Variants in PTPN13 observed in about 807,000 individuals in gnomAD.
PTPN13 encodes protein tyrosine phosphatase non-receptor type 13.
Under a neutral mutation model 284.0 loss-of-function variants are expected in PTPN13, and 191 were observed. The ratio of observed to expected loss-of-function variants is 0.67; its 90% CI spans 0.60 to 0.76. The LOEUF (loss-of-function observed/expected upper bound fraction) is 0.76, where lower values mean the gene tolerates loss of function less well. Ranked by LOEUF, PTPN13 falls within the 30% of genes least tolerant of loss-of-function variation. The pLI is 0.00. For missense variants in PTPN13, 2,797 were observed against 2,939.9 expected (o/e 0.95, Z 1.12); for synonymous variants, 986 against 1,022.3 (o/e 0.96, Z 0.68).
intron 15 of PTPN13, among the ~76,000 whole-genome samples, chr4:86,739,562 A>T (rs1053366137): frequency 3.9e-5 from 6 of 152,098 alleles, no homozygotes; most frequent in Admixed American, 6.5e-5. Context: ...CCCTCCTTCA[A>T]CATGTGGAAA....
intron 15 of PTPN13, among the ~76,000 whole-genome samples, chr4:86,739,765 T>C (rs544046100): frequency 6.6e-6 from 1 of 152,326 alleles, no homozygotes; most frequent in South Asian, 2.1e-4. Flanking sequence ...CCCTTCTGCC[T>C]ATGAGCCTGC....
chr4:86,695,230 T>G (rs1354138494), intron 6 of PTPN13, among the ~76,000 whole-genome samples: 1 of 152,110 alleles, frequency 6.6e-6, no homozygotes, highest in Non-Finnish European at 1.5e-5. Flanking sequence ...ATCAGAGTTT[T>G]TTTCTAATGC....
chr4:86,705,678 T>C (rs1307306589), intron 7 of PTPN13, among the ~76,000 whole-genome samples: 2 of 152,180 alleles, frequency 1.3e-5, no homozygotes, highest in Admixed American at 1.3e-4. Context: ...GCACATGTTA[T>C]CGAAACATAT....
chr4:86,790,904 G>C (rs1326377212), intron 40 of PTPN13, among the ~76,000 whole-genome samples: 2 of 152,160 alleles, frequency 1.3e-5, no homozygotes, highest in Non-Finnish European at 2.9e-5. Flanking sequence ...AACAGCTCCA[G>C]TCTGCCACTC....
chr4:86,672,303 T>G (rs1403136798), intron 2 of PTPN13, 62 bp from the exon 3 acceptor site: 9 of 1,372,996 alleles, frequency 6.6e-6, no homozygotes, highest in Non-Finnish European at 8.8e-6. Flanking sequence ...TTCCTGTGAT[T>G]ATAATTTTAA....
At chr4:86,738,907 C>T (rs1056702375) in intron 15 of PTPN13, among the ~76,000 whole-genome samples, 1 of 152,192 alleles carries the variant, frequency 6.6e-6, no homozygotes, top group South Asian at 2.1e-4. Flanking sequence ...TCTCAAACTC[C>T]TAGCCTGAAG....
intron 36 of PTPN13, among the ~76,000 whole-genome samples, chr4:86,781,142 C>T (rs1382639273): frequency 6.6e-6 from 1 of 152,110 alleles, no homozygotes; most frequent in African/African-American, 2.4e-5. Flanking sequence ...GTAACATCAT[C>T]CACAGAATTC....
chr4:86,744,462 T>A (rs1736507038), intron 16 of PTPN13, among the ~76,000 whole-genome samples: 1 of 152,178 alleles, frequency 6.6e-6, no homozygotes, highest in South Asian at 2.1e-4. Context: ...CAATCTAGAT[T>A]TAGGCTACAA....
chr4:86,799,967 A>G (rs897161751), intron 42 of PTPN13, among the ~76,000 whole-genome samples: 1 of 150,420 alleles, frequency 6.6e-6, no homozygotes, highest in Non-Finnish European at 1.5e-5. Context: ...CCTCCCAAGT[A>G]GCTGGGATTA....
chr4:86,759,200 C>T, intron 23 of PTPN13, 127 bp downstream of exon 23: 1 of 932,044 alleles, frequency 1.1e-6, no homozygotes, highest in Non-Finnish European at 1.6e-6. Context: ...ACTGTGATTA[C>T]TTAATGTGTT....
rs781544334 is a variant in PTPN13 at position 86,750,796 on chromosome 4, C to T, written c.2977C>T (p.Pro993Ser). The T allele has an allele frequency of 3.3e-5, 53 of 1,613,598 alleles. No individual in the cohort carries two copies. The highest frequency in any genetic ancestry group is 4.4e-5 in the Non-Finnish European group (52 of 1,179,806). Residue 993 changes from proline to serine, a missense_variant, in exon 18 of 48, where the codon CCA (proline) becomes TCA (serine). Physicochemically the swap from Pro to Ser is moderately conservative, Grantham distance 74. Coordinates refer to ENST00000411767, the MANE Select transcript of PTPN13 (RefSeq NM_080683.3). ...TGTCATTGTTAACATGGAACCCCCACCACAAACCGTTGCAGAGTTGGTGGG... is the reference window on the plus strand; with the variant it reads ...TGTCATTGTTAACATGGAACCCCCATCACAAACCGTTGCAGAGTTGGTGGG... The part of the protein sequence containing the change: ...KNVIVNMEPP[P>S]QTVAELVGKP...
intron 16 of PTPN13, among the ~76,000 whole-genome samples, chr4:86,742,248 C>G (rs1578549681): frequency 6.6e-6 from 1 of 152,272 alleles, no homozygotes; most frequent in Middle Eastern, 3.4e-3. Context: ...GGTACAGAGA[C>G]TTACTGGATT....
At chr4:86,740,306 A>G (rs1232117826) in intron 15 of PTPN13, among the ~76,000 whole-genome samples, 1 of 152,022 alleles carries the variant, frequency 6.6e-6, no homozygotes, top group African/African-American at 2.4e-5. Context: ...ATTTCCATAC[A>G]TCCTCTGAAA....
intron 7 of PTPN13, among the ~76,000 whole-genome samples, chr4:86,704,041 G>A (rs1193795735): frequency 6.6e-6 from 1 of 152,078 alleles, no homozygotes; most frequent in Non-Finnish European, 1.5e-5. Flanking sequence ...AGCCAGGCAT[G>A]GTGGTGCATG....
intron 31 of PTPN13, 146 bp from the exon 32 acceptor site, chr4:86,772,632 A>G (rs1578632463): frequency 3.6e-6 from 2 of 551,856 alleles, no homozygotes; most frequent in South Asian, 3.7e-5. Flanking sequence ...GAGTAAATTC[A>G]TAGTCCAGAG....
At chr4:86,725,250 C>G (rs1220374654) in intron 10 of PTPN13, among the ~76,000 whole-genome samples, 1 of 142,294 alleles carries the variant, frequency 7.0e-6, no homozygotes, top group African/African-American at 2.5e-5. Flanking sequence ...CATGTCTTCG[C>G]TATTGTGAAC....
chr4:86,626,664 G>A (rs188334726), intron 1 of PTPN13, among the ~76,000 whole-genome samples: 42 of 152,208 alleles, frequency 2.8e-4, no homozygotes, highest in Middle Eastern at 6.8e-3. Context: ...TGGTGGGGAT[G>A]TAAAATGGTG....
At chr4:86,811,241 G>A (rs1413221470) in intron 47 of PTPN13, 133 bp downstream of exon 47, 8 of 717,932 alleles carry the variant, frequency 1.1e-5, no homozygotes, top group Non-Finnish European at 1.7e-5. Context: ...ACTGCAGTGA[G>A]GGGCATTTTT....
chr4:86,708,631 G>A, intron 7 of PTPN13, among the ~76,000 whole-genome samples: 1 of 152,056 alleles, frequency 6.6e-6, no homozygotes, highest in East Asian at 1.9e-4. Context: ...AAGAAAGATC[G>A]AAAATGGATC....
Sources: allele counts gnomAD v4.1 joint callset (sites outside exome capture counted in the v4.1 genomes callset), GRCh38; gene constraint gnomAD v4.1.1; transcripts MANE v1.5; gene names NCBI Gene and HGNC (gene_info 2026-07-23, HGNC 2026-07-21).